ADGRV1: variants seen among roughly 807,000 people sequenced by gnomAD.
ADGRV1 encodes the protein adhesion G protein-coupled receptor V1, also known as G-protein coupled receptor 98.
In ADGRV1, 359 loss-of-function variants were observed where a neutral mutation model predicts 596.2. The ratio of observed to expected loss-of-function variants is 0.60; its 90% CI spans 0.55 to 0.66. The LOEUF (loss-of-function observed/expected upper bound fraction) is 0.66, where lower values mean the gene tolerates loss of function less well. Ranked by LOEUF, ADGRV1 falls within the 30% of genes least tolerant of loss-of-function variation. ADGRV1 has a pLI of 0.00. For synonymous variants in ADGRV1, 2,681 were observed against 2,679.2 expected, an observed-to-expected ratio of 1.00 and a Z score of -0.02; for missense variants, 7,274 against 7,575.6, an observed-to-expected ratio of 0.96 and a Z score of 1.48.
intron 87 of ADGRV1, among the ~76,000 whole-genome samples, chr5:91,111,230 G>T (rs753610794): frequency 7.3e-5 from 11 of 151,714 alleles, no homozygotes; most frequent in Non-Finnish European, 1.2e-4. Context: ...TCTCTCACTC[G>T]CTCTCTTACT....
intron 85 of ADGRV1, among the ~76,000 whole-genome samples, chr5:91,020,142 T>A (rs1017151942): frequency 5.9e-5 from 9 of 152,058 alleles, no homozygotes; most frequent in Admixed American, 3.3e-4. Flanking sequence ...CCTATCCGTA[T>A]AAAGTTAACT....
At chr5:90,570,352 TTC>T (rs1561305073) in intron 1 of ADGRV1, among the ~76,000 whole-genome samples, 1 of 152,184 alleles carries the variant, frequency 6.6e-6, no homozygotes, top group Non-Finnish European at 1.5e-5. Context: ...TCTTTCGTGA[TTC>T]TCTCTTTGTC....
intron 21 of ADGRV1, among the ~76,000 whole-genome samples, chr5:90,671,744 A>G (rs1047343028): frequency 1.5e-4 from 23 of 152,212 alleles, no homozygotes; most frequent in African/African-American, 5.5e-4. Flanking sequence ...TCCAAACTAT[A>G]TATTTGCTAA....
At chr5:90,618,103 T>C in intron 3 of ADGRV1, 150 bp downstream of exon 3, 1 of 512,028 alleles carries the variant, frequency 2.0e-6, no homozygotes, top group Non-Finnish European at 3.3e-6. Flanking sequence ...TGACAACCTC[T>C]TCAGCGCTTC....
intron 87 of ADGRV1, among the ~76,000 whole-genome samples, chr5:91,133,047 G>A (rs976990643): frequency 1.2e-4 from 18 of 152,282 alleles, no homozygotes; most frequent in Middle Eastern, 3.4e-3. Flanking sequence ...GAGGGGAAGA[G>A]ACTAGGGAGT....
intron 87 of ADGRV1, among the ~76,000 whole-genome samples, chr5:91,138,780 T>A: frequency 6.6e-6 from 1 of 151,782 alleles, no homozygotes; most frequent in Non-Finnish European, 1.5e-5. Flanking sequence ...AACTTTTTTT[T>A]TTTTTTTTTT....
At chr5:90,878,007 G>A (rs1349861720) in intron 83 of ADGRV1, among the ~76,000 whole-genome samples, 1 of 152,170 alleles carries the variant, frequency 6.6e-6, no homozygotes, top group Non-Finnish European at 1.5e-5. Context: ...TTGAGGTAAA[G>A]ATAGAGTTCA....
chr5:90,610,515 T>C (rs528374041), intron 1 of ADGRV1, among the ~76,000 whole-genome samples: 1 of 152,048 alleles, frequency 6.6e-6, no homozygotes, highest in Non-Finnish European at 1.5e-5. Context: ...TTATTAGTCA[T>C]TACCAGTTTT....
At chr5:90,776,757 C>T (rs1448955494) in intron 61 of ADGRV1, among the ~76,000 whole-genome samples, 181 bp downstream of exon 61, 1 of 152,056 alleles carries the variant, frequency 6.6e-6, no homozygotes, top group Non-Finnish European at 1.5e-5. Flanking sequence ...AATATCCTGA[C>T]CTATCTTGAT....
At chr5:90,919,911 T>C (rs1470901218) in intron 83 of ADGRV1, among the ~76,000 whole-genome samples, 1 of 150,244 alleles carries the variant, frequency 6.7e-6, no homozygotes, top group African/African-American at 2.5e-5. Context: ...GGAGAATCGC[T>C]TGGACCCAGG....
chr5:91,046,822 A>C (rs1319565160), intron 85 of ADGRV1, among the ~76,000 whole-genome samples: 1 of 152,220 alleles, frequency 6.6e-6, no homozygotes, highest in Non-Finnish European at 1.5e-5. Context: ...ATTAGCAAGA[A>C]AAGACAAACA....
chr5:90,723,490 C>T (rs1027071212), intron 45 of ADGRV1, among the ~76,000 whole-genome samples: 2 of 152,156 alleles, frequency 1.3e-5, no homozygotes, highest in African/African-American at 4.8e-5. Flanking sequence ...CTCATGAGAG[C>T]ACATGTCGGA....
At chr5:91,010,351 A>G (rs2151143776) in intron 85 of ADGRV1, among the ~76,000 whole-genome samples, 1 of 152,264 alleles carries the variant, frequency 6.6e-6, no homozygotes, top group African/African-American at 2.4e-5. Flanking sequence ...ATGCTCAACT[A>G]TACACAAAGG....
chr5:91,035,256 C>T (rs1376907639), intron 85 of ADGRV1, among the ~76,000 whole-genome samples: 1 of 152,114 alleles, frequency 6.6e-6, no homozygotes, highest in African/African-American at 2.4e-5. Flanking sequence ...CCAAATTTTC[C>T]TCACTTTCTG....
Position 90,558,907 on chromosome 5 carries a change from C to T in ADGRV1, c.12C>T (p.Phe4=). The T allele has an allele frequency of 6.4e-7, 1 of 1,559,504 alleles. No homozygotes were observed. Among genetic ancestry groups the T allele is most frequent in the South Asian group, 1.2e-5 (1 of 84,878 alleles). Residue 4 remains phenylalanine (F), a synonymous_variant, in exon 1 of 90, where the codon TTC becomes TTT. Coordinates refer to ENST00000405460, the MANE Select transcript of ADGRV1 (RefSeq NM_032119.4). ...CCGGGAGCGCGCGGATGTCGGTGTT[C>T]CTGGGGCCAGGTAGGCTATGGCTGA... MSV[F]LGPGMPSASL... is the part of the protein sequence containing the mutation.
intron 73 of ADGRV1, among the ~76,000 whole-genome samples, chr5:90,809,874 G>A (rs1429259042): frequency 1.3e-5 from 2 of 152,192 alleles, no homozygotes; most frequent in Non-Finnish European, 2.9e-5. Context: ...AACAAAGCTG[G>A]CAGAGGTCCA....
intron 1 of ADGRV1, among the ~76,000 whole-genome samples, chr5:90,611,122 T>C (rs1246587495): frequency 6.6e-6 from 1 of 151,890 alleles, no homozygotes; most frequent in Admixed American, 6.6e-5. Context: ...GCACAGGGCG[T>C]TGCATGATGT....
At position 90,831,235 on chromosome 5, in the gene ADGRV1, C is replaced by CTA. The variant is rs934453478; in HGVS notation, c.16611+2060_16611+2061dup. Reference sequence around the variant, plus strand: ...ATAATAAATCTCTCTCTCTCTCTCTCTATATATATATACACACACACACAT... The same window carrying CTA: ...ATAATAAATCTCTCTCTCTCTCTCTCTATATATATATATACACACACACACAT... On this transcript the variant is annotated intron_variant, in intron 77 of 89. Transcript: ENST00000405460. Among the ~76,000 whole-genome samples the CTA allele has an allele frequency of 4.2e-3, 623 of 147,362 alleles. 5 individuals carry two copies. In the East Asian group the frequency reaches 0.048, roughly 11 times the overall value.
intron 1 of ADGRV1, among the ~76,000 whole-genome samples, chr5:90,568,816 C>T (rs551997305): frequency 6.6e-6 from 1 of 152,088 alleles, no homozygotes; most frequent in African/African-American, 2.4e-5. Context: ...TGTAGGTTTA[C>T]AATTGTTACA....
Sources: gnomAD v4.1 joint callset for allele counts (sites outside exome capture counted in the v4.1 genomes callset) on GRCh38, gnomAD v4.1.1 for gene constraint, MANE v1.5 for transcripts, NCBI Gene and HGNC (gene_info 2026-07-23, HGNC 2026-07-21) for gene names.